Variants in SGCZ observed in about 807,000 individuals in gnomAD.
SGCZ encodes the protein sarcoglycan zeta, also known as zeta-sarcoglycan.
SGCZ carries 40 observed loss-of-function variants against 41.3 expected under a neutral mutation model. That is an observed-to-expected ratio of 0.97 (90% CI 0.75 to 1.26). SGCZ has a LOEUF of 1.26. Among genes scored for constraint, SGCZ ranks in the 50% most tolerant of loss-of-function variants. The probability of loss-of-function intolerance (pLI) is 0.00; values close to 1 mark genes in which losing one functional copy is unlikely to be tolerated. For missense variants in SGCZ, 552 were observed against 369.8 expected, an observed-to-expected ratio of 1.49 and a Z score of -4.04; for synonymous variants, 206 against 137.5, an observed-to-expected ratio of 1.50 and a Z score of -3.49.
intron 1 of SGCZ, among the ~76,000 whole-genome samples, chr8:14,954,463 G>C (rs948307708): frequency 6.6e-6 from 1 of 152,146 alleles, no homozygotes; most frequent in Non-Finnish European, 1.5e-5. Flanking sequence ...GTGCACAGGA[G>C]TTGCAGCTTG....
intron 2 of SGCZ, among the ~76,000 whole-genome samples, chr8:14,395,267 T>A (rs912145179): frequency 6.6e-6 from 1 of 152,146 alleles, no homozygotes; most frequent in Non-Finnish European, 1.5e-5. Flanking sequence ...AAAATTCAGA[T>A]GCATGTATTC....
intron 1 of SGCZ, among the ~76,000 whole-genome samples, chr8:14,980,339 C>G (rs969634742): frequency 2.0e-5 from 3 of 152,172 alleles, no homozygotes; most frequent in African/African-American, 7.2e-5. Context: ...AATCAGAGAC[C>G]TGGGATACCC....
chr8:15,142,171 A>G (rs1798907546), intron 1 of SGCZ, among the ~76,000 whole-genome samples: 1 of 152,156 alleles, frequency 6.6e-6, no homozygotes. Flanking sequence ...TAAAATGACT[A>G]GAGGACTTTT....
rs73528733 is a variant in SGCZ at position 14,209,136 on chromosome 8, C to T, written c.424+28456G>A. 5.9e-3 allele frequency among the ~76,000 whole-genome samples: 896 copies of T among 152,322 alleles called. 8 individuals are homozygous for T. The highest frequency in any genetic ancestry group is 0.02 in the African/African-American group (852 of 41,566). The stretch of plus-strand genomic sequence containing the variant: ...AACACGGCGCCAGCCACGTGGAAAG[C>T]CCATTTGCATATTAGTGCGGGGTGG... On this transcript the variant is annotated intron_variant, in intron 4 of 7. Transcript: ENST00000382080.
chr8:14,877,978 T>A (rs1259692177), intron 1 of SGCZ, among the ~76,000 whole-genome samples: 1 of 152,036 alleles, frequency 6.6e-6, no homozygotes, highest in African/African-American at 2.4e-5. Context: ...CTGAGATGAA[T>A]ATCCTTTTAA....
chr8:14,834,150 A>T (rs1385992173), intron 1 of SGCZ, among the ~76,000 whole-genome samples: 1 of 152,106 alleles, frequency 6.6e-6, no homozygotes, highest in East Asian at 1.9e-4. Flanking sequence ...ATGTCATTGT[A>T]AATTGGTATT....
chr8:14,400,099 T>A (rs1256992772), intron 2 of SGCZ, among the ~76,000 whole-genome samples: 3 of 152,134 alleles, frequency 2.0e-5, no homozygotes, highest in Non-Finnish European at 4.4e-5. Context: ...ACATTTTGCA[T>A]AAATAGTATC....
chr8:14,561,945 G>C (rs1056443448), intron 1 of SGCZ, among the ~76,000 whole-genome samples: 1 of 152,118 alleles, frequency 6.6e-6, no homozygotes, highest in African/African-American at 2.4e-5. Context: ...TTTTCAGACA[G>C]GGTTAGTTTG....
At chr8:14,750,716 G>A (rs1156501598) in intron 1 of SGCZ, among the ~76,000 whole-genome samples, 1 of 152,130 alleles carries the variant, frequency 6.6e-6, no homozygotes, top group East Asian at 1.9e-4. Context: ...TTGAAGCACT[G>A]TGAACGATGA....
intron 1 of SGCZ, among the ~76,000 whole-genome samples, chr8:14,935,380 A>C (rs1800051400): frequency 6.6e-6 from 1 of 151,444 alleles, no homozygotes; most frequent in Non-Finnish European, 1.5e-5. Context: ...ATTTTACCTA[A>C]ATTTATTTAT....
chr8:14,332,113 C>A (rs1563262228), intron 2 of SGCZ, among the ~76,000 whole-genome samples: 1 of 151,714 alleles, frequency 6.6e-6, no homozygotes, highest in African/African-American at 2.4e-5. Flanking sequence ...AATTGCTCCA[C>A]AAAAAAATGC....
chr8:15,147,506 G>C (rs11776351), intron 1 of SGCZ, among the ~76,000 whole-genome samples: 2,303 of 152,274 alleles, frequency 0.015, 30 homozygotes, highest in African/African-American at 0.035. Context: ...TCGAACTCCT[G>C]ACCTCAGGTG....
intron 4 of SGCZ, 26 bp downstream of exon 4, chr8:14,237,565 GA>G: frequency 6.3e-7 from 1 of 1,599,284 alleles, no homozygotes; most frequent in Non-Finnish European, 8.6e-7. Flanking sequence ...AGCACAGTAG[GA>G]GCAATCTTTA....
intron 2 of SGCZ, among the ~76,000 whole-genome samples, chr8:14,384,700 C>T (rs1175587074): frequency 6.6e-6 from 1 of 152,124 alleles, no homozygotes. Flanking sequence ...GCTGGGATTA[C>T]AGGCATATGC....
intron 1 of SGCZ, among the ~76,000 whole-genome samples, chr8:14,912,926 G>C (rs1213082758): frequency 6.6e-6 from 1 of 152,086 alleles, no homozygotes; most frequent in African/African-American, 2.4e-5. Flanking sequence ...TCCACAGTGA[G>C]AGAATAAATT....
chr8:14,564,460 G>A (rs958308274), intron 1 of SGCZ, among the ~76,000 whole-genome samples: 4 of 152,166 alleles, frequency 2.6e-5, no homozygotes, highest in Non-Finnish European at 5.9e-5. Flanking sequence ...CTTAGGGAAA[G>A]TCACTTAGCC....
Position 14,090,907 on chromosome 8 carries a change from C to T in SGCZ, c.745-270G>A, listed in dbSNP as rs10086645. Among the ~76,000 whole-genome samples the T allele has an allele frequency of 2.6e-3, 400 of 152,110 alleles. 2 individuals are homozygous for T. The highest frequency in any genetic ancestry group is 9.0e-3 in the African/African-American group (372 of 41,530). ...ATACAATACGCTTAAGGGGCCAACCCAGTTACTTAAACACCACAGAAAATT... is the reference window on the plus strand; with the variant it reads ...ATACAATACGCTTAAGGGGCCAACCTAGTTACTTAAACACCACAGAAAATT... On this transcript the variant is annotated intron_variant, in intron 7 of 7. Transcript: ENST00000382080.
At chr8:14,864,565 T>C (rs1333921449) in intron 1 of SGCZ, among the ~76,000 whole-genome samples, 1 of 152,144 alleles carries the variant, frequency 6.6e-6, no homozygotes, top group African/African-American at 2.4e-5. Flanking sequence ...CACAAACAAA[T>C]CAATTAATAA....
intron 1 of SGCZ, among the ~76,000 whole-genome samples, chr8:14,797,025 A>G (rs1415238400): frequency 6.6e-6 from 1 of 152,140 alleles, no homozygotes; most frequent in Non-Finnish European, 1.5e-5. Flanking sequence ...TTTATAAATT[A>G]CCCAGTCTCA....
Sources: allele counts gnomAD v4.1 joint callset (sites outside exome capture counted in the v4.1 genomes callset), GRCh38; gene constraint gnomAD v4.1.1; transcripts MANE v1.5; gene names NCBI Gene and HGNC (gene_info 2026-07-23, HGNC 2026-07-21).